The following SAMD3 variants were observed in gnomAD, a reference collection of about 807,000 sequenced individuals.
The protein encoded by SAMD3 is sterile alpha motif domain-containing protein 3.
SAMD3 carries 63 observed loss-of-function variants against 58.5 expected under a neutral mutation model. The observed-to-expected ratio is 1.08, with a 90% CI of 0.88 to 1.33. SAMD3 has a LOEUF of 1.33. Among genes scored for constraint, SAMD3 ranks in the 40% most tolerant of loss-of-function variants. The probability of loss-of-function intolerance (pLI) is 0.00; values close to 1 mark genes in which losing one functional copy is unlikely to be tolerated. For synonymous variants in SAMD3, 220 were observed against 210.3 expected, an observed-to-expected ratio of 1.05 and a Z score of -0.40; for missense variants, 604 against 608.4, an observed-to-expected ratio of 0.99 and a Z score of 0.08.
At chr6:130,257,618 T>A (rs1430377803) in intron 2 of SAMD3, among the ~76,000 whole-genome samples, 1 of 152,188 alleles carries the variant, frequency 6.6e-6, no homozygotes, top group African/African-American at 2.4e-5. Flanking sequence ...CTTATTCATA[T>A]CTAATTTACT....
chr6:130,261,853 C>G (rs1052310040), intron 2 of SAMD3, among the ~76,000 whole-genome samples: 7 of 152,056 alleles, frequency 4.6e-5, no homozygotes, highest in Admixed American at 1.3e-4. Flanking sequence ...GGCATCCAGA[C>G]CAGTTCCCAT....
At chr6:130,199,319 T>C (rs1289439845) in intron 5 of SAMD3, among the ~76,000 whole-genome samples, 2 of 152,234 alleles carry the variant, frequency 1.3e-5, no homozygotes, top group African/African-American at 4.8e-5. Flanking sequence ...CTGCAGACTT[T>C]ATACACTGAA....
chr6:130,191,334 C>A (rs1404182626), intron 5 of SAMD3, among the ~76,000 whole-genome samples: 1 of 152,152 alleles, frequency 6.6e-6, no homozygotes, highest in Non-Finnish European at 1.5e-5. Context: ...AGGCCCATCC[C>A]TTAATTATCA....
chr6:130,150,438 G>T (rs559068398), intron 9 of SAMD3, among the ~76,000 whole-genome samples: 4 of 152,308 alleles, frequency 2.6e-5, no homozygotes, highest in Admixed American at 1.3e-4. Flanking sequence ...GTAACCTCTA[G>T]TGATCCACTA....
At chr6:130,219,423 G>C (rs1796131089) in intron 1 of SAMD3, among the ~76,000 whole-genome samples, 1 of 151,950 alleles carries the variant, frequency 6.6e-6, no homozygotes, top group South Asian at 2.1e-4. Flanking sequence ...TGAGATTTTG[G>C]TGCACACATC....
intron 8 of SAMD3, chr6:130,162,047 T>G: frequency 2.0e-6 from 1 of 493,620 alleles, no homozygotes; most frequent in Non-Finnish European, 3.6e-6. Context: ...AGGACTCACC[T>G]TTGAGATGTG....
At chr6:130,189,527 G>A (rs560684902) in intron 5 of SAMD3, among the ~76,000 whole-genome samples, 162 of 152,254 alleles carry the variant, frequency 1.1e-3, no homozygotes, top group Non-Finnish European at 1.7e-3. Context: ...TACTGTACCC[G>A]TTTCTGTTAG....
At chr6:130,307,884 AGTTTGTG>A (rs1199140222) in intron 2 of SAMD3, among the ~76,000 whole-genome samples, 1 of 152,212 alleles carries the variant, frequency 6.6e-6, no homozygotes, top group Non-Finnish European at 1.5e-5. Flanking sequence ...GTAAAAAACC[AGTTTGTG>A]TATAGCCAGT....
chr6:130,264,792 C>A (rs1774277589), intron 2 of SAMD3, among the ~76,000 whole-genome samples: 1 of 152,088 alleles, frequency 6.6e-6, no homozygotes, highest in South Asian at 2.1e-4. Context: ...AAAAGAAAAA[C>A]TCATGTCGGC....
Position 130,243,729 on chromosome 6 carries a change from G to T in SAMD3, c.-187-20916C>A, listed in dbSNP as rs73603973. Among the ~76,000 whole-genome samples the T allele has an allele frequency of 8.2e-3, 1,250 of 152,258 alleles. 18 individuals carry two copies. The highest frequency in any genetic ancestry group is 0.029 in the African/African-American group (1,194 of 41,544). On this transcript the variant is annotated intron_variant, in intron 2 of 13. Transcript: ENST00000368134. Reference sequence around the variant, plus strand: ...CTAAGAGCCCTTTAAAAACTATGGGGATCAATGAACTTGGGCGTTTTCCCA... The same window carrying T: ...CTAAGAGCCCTTTAAAAACTATGGGTATCAATGAACTTGGGCGTTTTCCCA...
intron 2 of SAMD3, among the ~76,000 whole-genome samples, chr6:130,299,450 TGGGACA>T (rs1775675061): frequency 6.6e-6 from 1 of 152,082 alleles, no homozygotes; most frequent in Non-Finnish European, 1.5e-5. Flanking sequence ...CCAAAATCTC[TGGGACA>T]TAATGAAAGC....
At chr6:130,218,387 C>T (rs1326764585) in intron 1 of SAMD3, among the ~76,000 whole-genome samples, 1 of 152,184 alleles carries the variant, frequency 6.6e-6, no homozygotes, top group African/African-American at 2.4e-5. Context: ...CCTGTTTATA[C>T]TCAGGTGTCT....
intron 7 of SAMD3, among the ~76,000 whole-genome samples, chr6:130,182,668 A>G (rs1237312598): frequency 1.3e-5 from 2 of 150,970 alleles, no homozygotes; most frequent in African/African-American, 4.9e-5. Context: ...GGAAAGAAGG[A>G]TGGAAGGAAA....
At chr6:130,248,516 G>A (rs1011893952) in intron 2 of SAMD3, among the ~76,000 whole-genome samples, 3 of 152,122 alleles carry the variant, frequency 2.0e-5, no homozygotes, top group African/African-American at 4.8e-5. Flanking sequence ...TTTGATGCCT[G>A]AGAAACAAAT....
intron 2 of SAMD3, among the ~76,000 whole-genome samples, chr6:130,303,986 T>A (rs549048921): frequency 6.6e-6 from 1 of 152,250 alleles, no homozygotes; most frequent in African/African-American, 2.4e-5. Context: ...TTTGTCATTT[T>A]TGTTTTTTCT....
intron 1 of SAMD3, among the ~76,000 whole-genome samples, chr6:130,338,152 CA>C (rs1418002152): frequency 1.3e-5 from 2 of 152,208 alleles, no homozygotes; most frequent in African/African-American, 2.4e-5. Context: ...GCTCCAGCTC[CA>C]GCTGGGGCTA....
intron 4 of SAMD3, among the ~76,000 whole-genome samples, chr6:130,211,110 A>T (rs1795511883): frequency 6.6e-6 from 1 of 151,670 alleles, no homozygotes. Flanking sequence ...ACAAAGCCAG[A>T]CTCCATCTCA....
At chr6:130,237,157 G>A (rs1481081620) in intron 2 of SAMD3, among the ~76,000 whole-genome samples, 1 of 152,092 alleles carries the variant, frequency 6.6e-6, no homozygotes, top group African/African-American at 2.4e-5. Flanking sequence ...CAGCAGTTCA[G>A]GAAGAATGTG....
chr6:130,221,127 T>A (rs1166349854), intron 1 of SAMD3, among the ~76,000 whole-genome samples: 1 of 152,186 alleles, frequency 6.6e-6, no homozygotes, highest in Non-Finnish European at 1.5e-5. Context: ...GTGCTGGGAT[T>A]ACAGGCATGA....
Sources: allele counts gnomAD v4.1 joint callset (sites outside exome capture counted in the v4.1 genomes callset), GRCh38; gene constraint gnomAD v4.1.1; transcripts MANE v1.5; gene names NCBI Gene and HGNC (gene_info 2026-07-23, HGNC 2026-07-21).